The following ENTPD1 variants were observed in gnomAD, a reference collection of about 807,000 sequenced individuals.
ENTPD1 encodes ectonucleoside triphosphate diphosphohydrolase 1, also known as ATP diphosphohydrolase.
In ENTPD1, 33 loss-of-function variants were observed where a neutral mutation model predicts 57.0. The observed-to-expected ratio is 0.58, with a 90% CI of 0.44 to 0.77. The LOEUF is 0.77. Ranked by LOEUF, ENTPD1 falls within the 30% of genes least tolerant of loss-of-function variation. The pLI, the probability that ENTPD1 is intolerant of heterozygous loss-of-function variation, is 0.00. For missense variants in ENTPD1, 501 were observed against 603.4 expected (o/e 0.83, Z 1.78); for synonymous variants, 202 against 218.8 (o/e 0.92, Z 0.68).
chr10:95,832,163 G>A (rs540936397), intron 2 of ENTPD1, among the ~76,000 whole-genome samples: 1 of 152,284 alleles, frequency 6.6e-6, no homozygotes, highest in Admixed American at 6.5e-5. Flanking sequence ...CCTTGTATGT[G>A]AAGAACCCAG....
chr10:95,713,003 C>G (rs1377775553), intron 1 of ENTPD1, among the ~76,000 whole-genome samples: 1 of 150,726 alleles, frequency 6.6e-6, no homozygotes, highest in Non-Finnish European at 1.5e-5. Flanking sequence ...CGCTGCACTC[C>G]AGACTGGGCG....
At chr10:95,714,506 C>T (rs2097969301) in intron 1 of ENTPD1, among the ~76,000 whole-genome samples, 1 of 152,136 alleles carries the variant, frequency 6.6e-6, no homozygotes, top group South Asian at 2.1e-4. Flanking sequence ...ATTATTTTGT[C>T]TACCAAACCA....
At chr10:95,782,303 T>TA in intron 1 of ENTPD1, among the ~76,000 whole-genome samples, 2 of 152,350 alleles carry the variant, frequency 1.3e-5, no homozygotes, top group East Asian at 3.9e-4. Flanking sequence ...TTTTGGTTGA[T>TA]TTATTGAGTG....
At chr10:95,746,149 A>G (rs868221344) in intron 1 of ENTPD1, among the ~76,000 whole-genome samples, 26 of 152,304 alleles carry the variant, frequency 1.7e-4, no homozygotes, top group Middle Eastern at 6.8e-3. Flanking sequence ...TCAGAGGGGG[A>G]AAAAGCAAGA....
intron 1 of ENTPD1, 63 bp from the exon 2 acceptor site, chr10:95,823,174 G>A (rs2098359841): frequency 6.2e-7 from 1 of 1,605,998 alleles, no homozygotes; most frequent in East Asian, 2.2e-5. Flanking sequence ...CAGACAGAAA[G>A]GGGAGGAAAA....
rs189587731 is a variant in ENTPD1 at position 95,771,108 on chromosome 10, A to G, written c.16+14853A>G. ...ATTTGGATCCATGTTATGCATACCA[A>G]TTGTAATCCTCAATTTTACTTTACA... On this transcript the variant is annotated intron_variant, in intron 1 of 9. Transcript: ENST00000371205. Among the ~76,000 whole-genome samples the G allele has an allele frequency of 7.0e-3, 1,062 of 152,190 alleles. 13 individuals carry two copies. Among genetic ancestry groups the G allele is most frequent in the African/African-American group, 0.024 (998 of 41,554 alleles).
chr10:95,787,488 T>C (rs78914844), intron 1 of ENTPD1, among the ~76,000 whole-genome samples: 5,680 of 152,194 alleles, frequency 0.037, 129 homozygotes, highest in Non-Finnish European at 0.049. Context: ...TATAGAAGTA[T>C]GAGACTGGCA....
intron 1 of ENTPD1, among the ~76,000 whole-genome samples, chr10:95,809,348 C>T (rs1399271356): frequency 2.0e-5 from 3 of 148,120 alleles, no homozygotes; most frequent in Non-Finnish European, 4.5e-5. Flanking sequence ...GGCAGAGGCG[C>T]CCCCCACCCC....
At chr10:95,770,533 G>A (rs548915772) in intron 1 of ENTPD1, among the ~76,000 whole-genome samples, 1 of 152,276 alleles carries the variant, frequency 6.6e-6, no homozygotes, top group East Asian at 1.9e-4. Flanking sequence ...TGGTGCTGAT[G>A]TCCATCCAGA....
At chr10:95,790,901 T>A (rs2098201170) in intron 1 of ENTPD1, among the ~76,000 whole-genome samples, 2 of 152,316 alleles carry the variant, frequency 1.3e-5, no homozygotes, top group South Asian at 4.1e-4. Flanking sequence ...ATTCTGTCCT[T>A]GTTGTTGTCT....
At chr10:95,764,203 A>G (rs1482161218) in intron 1 of ENTPD1, among the ~76,000 whole-genome samples, 1 of 152,068 alleles carries the variant, frequency 6.6e-6, no homozygotes, top group Admixed American at 6.6e-5. Context: ...ACACCAATCT[A>G]CTTTCTGTCC....
upstream of ENTPD1, among the ~76,000 whole-genome samples, chr10:95,751,379 A>G (rs1020388980): frequency 3.9e-5 from 6 of 152,098 alleles, no homozygotes; most frequent in East Asian, 1.2e-3. Flanking sequence ...GTCTAGGAGG[A>G]CCCTGAGGTT....
chr10:95,749,016 A>C (rs920788798), intron 1 of ENTPD1, among the ~76,000 whole-genome samples: 2 of 152,224 alleles, frequency 1.3e-5, no homozygotes, highest in Non-Finnish European at 2.9e-5. Flanking sequence ...GTGTGCTTCC[A>C]TCAGAAGGCA....
upstream of ENTPD1, chr10:95,756,072 TGAGG>T: frequency 6.6e-7 from 1 of 1,505,856 alleles, no homozygotes; most frequent in African/African-American, 1.4e-5. Context: ...AGACAGGGTT[TGAGG>T]TTCCTTCCGA....
At chr10:95,777,925 C>T (rs1485188181) in intron 1 of ENTPD1, among the ~76,000 whole-genome samples, 1 of 152,202 alleles carries the variant, frequency 6.6e-6, no homozygotes, top group Admixed American at 6.5e-5. Context: ...GTGAGCAAGG[C>T]TTTGTGGGCA....
chr10:95,747,875 ATT>A (rs111914871), intron 1 of ENTPD1, among the ~76,000 whole-genome samples: 4 of 144,626 alleles, frequency 2.8e-5, no homozygotes, highest in Non-Finnish European at 4.6e-5. Flanking sequence ...CTGGCAAATG[ATT>A]TTTTTTTTTT....
the ENTPD1 span, among the ~76,000 whole-genome samples, chr10:95,699,854 C>T: frequency 3.3e-5 from 5 of 152,172 alleles, no homozygotes; most frequent in East Asian, 7.7e-4. Flanking sequence ...GAAGAAGCAG[C>T]AGCCTAGAAT....
Position 95,854,373 on chromosome 10 carries a change from C to A in ENTPD1, c.1075-6096C>A, listed in dbSNP as rs561936585. 1.1e-4 allele frequency among the ~76,000 whole-genome samples: 16 copies of A among 152,182 alleles called. No individual in the cohort carries two copies. In the East Asian group the frequency reaches 3.1e-3, roughly 29 times the overall value. ...AGTCTATCAATTTTGTTGATCTTTT[C>A]AAAAAACCAGCTCCTGGATTCACTG... On this transcript the variant is annotated intron_variant, in intron 7 of 9. Transcript: ENST00000371205.
intron 1 of ENTPD1, among the ~76,000 whole-genome samples, chr10:95,722,163 C>A (rs1395590864): frequency 1.3e-5 from 2 of 151,820 alleles, no homozygotes; most frequent in African/African-American, 4.8e-5. Context: ...TTTCAGCAAA[C>A]CAATTATTAG....
Sources: allele counts gnomAD v4.1 joint callset (sites outside exome capture counted in the v4.1 genomes callset), GRCh38; gene constraint gnomAD v4.1.1; transcripts MANE v1.5; gene names NCBI Gene and HGNC (gene_info 2026-07-23, HGNC 2026-07-21).